The following MCF2L variants were observed in gnomAD, a reference collection of about 807,000 sequenced individuals.
MCF2L encodes the protein MCF.2 cell line derived transforming sequence like, also known as guanine nucleotide exchange factor DBS.
MCF2L carries 97 observed loss-of-function variants against 153.4 expected under a neutral mutation model. The observed-to-expected ratio is 0.63, with a 90% confidence interval of 0.54 to 0.75. The LOEUF is 0.75. MCF2L is among the 30% of genes least tolerant of loss of function. The probability of loss-of-function intolerance (pLI) is 0.00; values close to 1 mark genes in which losing one functional copy is unlikely to be tolerated. For missense variants in MCF2L, 1,347 were observed against 1,495.2 expected, an observed-to-expected ratio of 0.90 and a Z score of 1.64; for synonymous variants, 659 against 632.2, an observed-to-expected ratio of 1.04 and a Z score of -0.64.
In MCF2L at chr13:113,003,004, T is replaced by TAA. The variant is rs11329462; in HGVS notation, c.80-11742_80-11741dup. On this transcript the variant is annotated intron_variant, in intron 1 of 29. Transcript: ENST00000535094. ...GGCAACATACCAAGACCTCATCTGT[T>TAA]AAAAAAAAAAAAAAAAAATTAATAG... Among the ~76,000 whole-genome samples, 231 of 142,970 alleles carry TAA rather than the reference T, an allele frequency of 1.6e-3. 3 individuals are homozygous for TAA. The highest frequency in any genetic ancestry group is 5.8e-3 in the African/African-American group (221 of 38,264). The allele number at this position is 142,970 out of a possible 152,430, so 93.8% of individuals were successfully genotyped here.
chr13:113,078,046 G>T (rs114546897), intron 13 of MCF2L, among the ~76,000 whole-genome samples: 1 of 151,706 alleles, frequency 6.6e-6, no homozygotes, highest in Non-Finnish European at 1.5e-5. Flanking sequence ...CCCCCTTCCC[G>T]CACCACCACC....
upstream of MCF2L, chr13:112,968,660 G>A (rs1357302595): frequency 6.0e-6 from 9 of 1,511,520 alleles, no homozygotes; most frequent in South Asian, 9.9e-5. Context: ...CGGAAGGGGC[G>A]CGCTGGGCTG....
intron 24 of MCF2L, 61 bp from the exon 25 acceptor site, chr13:113,088,501 G>A (rs2034859362): frequency 1.2e-6 from 2 of 1,607,466 alleles, no homozygotes; most frequent in Non-Finnish European, 8.5e-7. Context: ...CCATGCGCAA[G>A]GTGCCTCGGC....
chr13:113,016,875 G>A (rs77185434), intron 2 of MCF2L, among the ~76,000 whole-genome samples: 4,326 of 152,262 alleles, frequency 0.028, 207 homozygotes, highest in African/African-American at 0.099. Flanking sequence ...CCCGTGTGTG[G>A]CGTGGGTCCC....
intron 2 of MCF2L, among the ~76,000 whole-genome samples, chr13:112,913,643 C>T (rs186735609): frequency 2.4e-3 from 360 of 152,278 alleles, no homozygotes; most frequent in African/African-American, 7.4e-3. Context: ...CTTCTCTGCA[C>T]GTCCATCTGT....
intron 2 of MCF2L, chr13:112,956,222 G>C (rs1474301297): frequency 1.9e-5 from 3 of 154,814 alleles, no homozygotes; most frequent in African/African-American, 4.8e-5. Context: ...TGGAGTCAAG[G>C]GAGCAGCTAA....
At chr13:112,954,301 C>T (rs1270357205) in intron 2 of MCF2L, among the ~76,000 whole-genome samples, 2 of 152,110 alleles carry the variant, frequency 1.3e-5, no homozygotes, top group African/African-American at 4.8e-5. Flanking sequence ...CTCACCTGTC[C>T]ACACCCCTCC....
At chr13:113,071,748 C>A (rs765635577) in intron 9 of MCF2L, among the ~76,000 whole-genome samples, 2 of 152,220 alleles carry the variant, frequency 1.3e-5, no homozygotes, top group African/African-American at 4.8e-5. Context: ...TCTGTCTGTA[C>A]CACAAGGTCT....
rs2081805190 is a variant in MCF2L at position 112,960,013 on chromosome 13, G to A, written c.170-54750G>A. Among the ~76,000 whole-genome samples the A allele has an allele frequency of 6.6e-6, 1 of 152,256 alleles. No homozygotes were observed. Among genetic ancestry groups the A allele is most frequent in the African/African-American group, 2.4e-5 (1 of 41,472 alleles). ...CTCTGTTCTCACGCGTCGGGCTGCG[G>A]CAGAGGTGCCTGTGTCACCGAGGTC... On this transcript the variant is annotated intron_variant, in intron 2 of 29. Transcript: ENST00000375608. This position sits in a 1 kb window ranked among gnomAD's most constrained non-coding sequence, Gnocchi z 4.2.
chr13:113,002,128 G>T lies in MCF2L; in HGVS notation c.80-12635G>T, dbSNP rs1243948392. On this transcript the variant is annotated intron_variant, in intron 1 of 29. Coordinates refer to ENST00000535094, the MANE Select transcript of MCF2L (RefSeq NM_001112732.3). ...AGAAGCCCGGGGCTGGGGGATGCCG[G>T]GGATGGATGTTGGGGTGGGTGCCTC... The T allele has an allele frequency of 3.9e-6, 4 of 1,033,832 alleles. No individual in the cohort carries two copies. In the South Asian group the frequency reaches 7.7e-5, roughly 20 times the overall value. The allele number at this position is 1,033,832 out of a possible 1,614,324, so 64.0% of individuals were successfully genotyped here.
Position 112,975,894 on chromosome 13 carries a change from A to G in MCF2L, c.79+6436A>G, listed in dbSNP as rs997009112. 2.7e-5 allele frequency among the ~76,000 whole-genome samples: 4 copies of G among 150,744 alleles called. No individual in the cohort carries two copies. In the South Asian group the frequency reaches 6.3e-4, roughly 24 times the overall value. On this transcript the variant is annotated intron_variant, in intron 1 of 29. Coordinates refer to ENST00000535094, the MANE Select transcript of MCF2L (RefSeq NM_001112732.3). ...TCGAGCCCGGGCTTCAGCACGCAGC[A>G]CCTCACAGGCCCCTCTGCCATAGCA... is the stretch of plus-strand genomic sequence containing the variant.
chr13:112,902,925 C>G (rs1219245558), intron 2 of MCF2L, among the ~76,000 whole-genome samples: 1 of 152,220 alleles, frequency 6.6e-6, no homozygotes, highest in Non-Finnish European at 1.5e-5. Flanking sequence ...CTGATCCAGG[C>G]CAGACAATGC....
intron 2 of MCF2L, chr13:112,909,563 A>G (rs756982494): frequency 8.7e-6 from 4 of 457,554 alleles, no homozygotes; most frequent in Non-Finnish European, 1.6e-5. Flanking sequence ...TGGCATTTGG[A>G]GGAGAGTCTA....
chr13:113,057,118 G>C (rs1346085231), intron 4 of MCF2L, among the ~76,000 whole-genome samples: 1 of 147,208 alleles, frequency 6.8e-6, no homozygotes, highest in Non-Finnish European at 1.5e-5. Context: ...TTTGGGTGCT[G>C]AGTGCTTGGG....
At chr13:112,971,401 A>T (rs2082034260) in intron 1 of MCF2L, among the ~76,000 whole-genome samples, 1 of 152,154 alleles carries the variant, frequency 6.6e-6, no homozygotes, top group Non-Finnish European at 1.5e-5. Flanking sequence ...TGGCAACAGG[A>T]CACTGATGTG....
At chr13:112,936,220 C>T (rs1234121029) in intron 2 of MCF2L, among the ~76,000 whole-genome samples, 3 of 136,516 alleles carry the variant, frequency 2.2e-5, no homozygotes, top group African/African-American at 8.3e-5. Context: ...GCAGAGGTTT[C>T]AGTGAGCCAA....
intron 4 of MCF2L, among the ~76,000 whole-genome samples, chr13:113,055,705 G>A (rs994284296): frequency 6.6e-6 from 1 of 152,174 alleles, no homozygotes; most frequent in African/African-American, 2.4e-5. Flanking sequence ...TCGTCCACCA[G>A]GATCACACTC....
chr13:113,083,853 G>A (rs565291648), intron 17 of MCF2L, 145 bp from the exon 18 acceptor site: 37 of 691,598 alleles, frequency 5.3e-5, no homozygotes, highest in East Asian at 1.0e-4. Flanking sequence ...CAGGACAGGC[G>A]TGGCTGCGGC....
chr13:113,035,855 G>A lies in MCF2L; in HGVS notation c.279-9416G>A, dbSNP rs915154324. Among the ~76,000 whole-genome samples, 14 of 152,192 alleles carry A rather than the reference G, an allele frequency of 9.2e-5. No homozygotes were observed. The highest frequency in any genetic ancestry group is 1.3e-4 in the Non-Finnish European group (9 of 68,042). On this transcript the variant is annotated intron_variant, in intron 3 of 29. Transcript: ENST00000535094. The surrounding 1 kb of genome is among the most constrained non-coding windows in gnomAD (Gnocchi z 4.4). ...CTTCTGCGTTCCTCAGTTTCTGCAC[G>A]TTTAAAATGGCAGAGGCCCCTTTGG...
Sources: gnomAD v4.1 joint callset for allele counts (sites outside exome capture counted in the v4.1 genomes callset) on GRCh38, gnomAD v4.1.1 for gene constraint, Gnocchi (gnomAD v3.1) non-coding constraint, MANE v1.5 for transcripts, NCBI Gene and HGNC (gene_info 2026-07-23, HGNC 2026-07-21) for gene names.